Variants in CD86 observed in about 807,000 individuals in gnomAD.
CD86 encodes T-lymphocyte activation antigen CD86.
In CD86, 11 loss-of-function variants were observed where a neutral mutation model predicts 32.1. The ratio of observed to expected loss-of-function variants is 0.34; its 90% CI spans 0.22 to 0.57. The LOEUF (loss-of-function observed/expected upper bound fraction) is 0.57, where lower values mean the gene tolerates loss of function less well. Among genes scored for constraint, CD86 ranks in the 20% least tolerant of loss-of-function variants. The pLI, the probability that CD86 is intolerant of heterozygous loss-of-function variation, is 0.86. For synonymous variants in CD86, 137 were observed against 135.3 expected, an observed-to-expected ratio of 1.01 and a Z score of -0.09; for missense variants, 359 against 398.4, an observed-to-expected ratio of 0.90 and a Z score of 0.84.
At position 122,107,027 on chromosome 3, in the gene CD86, A is replaced by G. The variant is rs764220255; in HGVS notation, c.703+527A>G. The stretch of plus-strand genomic sequence containing the variant: ...AGAACCCTGTAATGTGCACACATGA[A>G]AAACTGGATTTTTAAAAGGTTGAAT... On this transcript the variant is annotated intron_variant, in intron 4 of 6. Transcript: ENST00000330540. 5.9e-5 allele frequency among the ~76,000 whole-genome samples: 9 copies of G among 152,190 alleles called. No homozygotes were observed. In the South Asian group the frequency reaches 8.3e-4, roughly 14 times the overall value.
At chr3:122,095,171 ATT>A (rs4048621) in intron 2 of CD86, among the ~76,000 whole-genome samples, 65,596 of 130,846 alleles carry the variant, frequency 0.5, 15,935 homozygotes, top group Admixed American at 0.63. Context: ...TCACTTTAAG[ATT>A]TTTTTTTTTT....
chr3:122,087,477 G>C (rs1224606391), intron 1 of CD86, among the ~76,000 whole-genome samples: 2 of 152,122 alleles, frequency 1.3e-5, no homozygotes, highest in Non-Finnish European at 2.9e-5. Flanking sequence ...GGAGAAACTG[G>C]CTTCCTAACC....
intron 2 of CD86, chr3:122,092,226 G>A (rs2072835901): frequency 6.6e-6 from 1 of 152,446 alleles, no homozygotes; most frequent in Non-Finnish European, 1.5e-5. Flanking sequence ...CTGATTTATA[G>A]TGGAGCCAAT....
At chr3:122,099,725 C>G (rs1040973308) in intron 2 of CD86, among the ~76,000 whole-genome samples, 1 of 152,150 alleles carries the variant, frequency 6.6e-6, no homozygotes, top group African/African-American at 2.4e-5. Context: ...CCATATGTGA[C>G]TACTTAAATT....
chr3:122,083,401 G>A (rs565979998), intron 1 of CD86, among the ~76,000 whole-genome samples: 15 of 151,938 alleles, frequency 9.9e-5, no homozygotes, highest in Non-Finnish European at 1.6e-4. Context: ...CTTCTCTCAC[G>A]TGCCCTCCTG....
chr3:122,077,745 T>C, intron 1 of CD86: 1 of 985,334 alleles, frequency 1.0e-6, no homozygotes, highest in Non-Finnish European at 1.2e-6. Context: ...AGGGTACGTT[T>C]GTAGTCATTC....
chr3:122,120,048 T>C lies in CD86; in HGVS notation c.*514T>C, dbSNP rs971954167. 1 of 153,690 alleles carries C rather than the reference T, an allele frequency of 6.5e-6. No individual in the cohort carries two copies. Among genetic ancestry groups the C allele is most frequent in the Non-Finnish European group, 1.4e-5 (1 of 69,252 alleles). 9.5% of individuals were successfully genotyped at this position (153,690 alleles called of 1,614,324 possible). ...TCTTGAAACATAGAGATCTATGTAC[T>C]GTAATAGTGTGATTACTATGCTCTA... is the stretch of plus-strand genomic sequence containing the variant. On this transcript the variant is annotated 3_prime_UTR_variant, in exon 7 of 7. Coordinates refer to ENST00000330540, the MANE Select transcript of CD86 (RefSeq NM_175862.5).
intron 1 of CD86, among the ~76,000 whole-genome samples, chr3:122,071,709 A>G (rs1217560290): frequency 6.6e-6 from 1 of 150,948 alleles, no homozygotes; most frequent in African/African-American, 2.4e-5. Flanking sequence ...TAGTTTTACC[A>G]TTTTGCATTC....
At chr3:122,072,127 C>T (rs2072497313) in intron 1 of CD86, among the ~76,000 whole-genome samples, 1 of 150,360 alleles carries the variant, frequency 6.7e-6, no homozygotes, top group South Asian at 2.1e-4. Context: ...TCCAGTCTAT[C>T]ATTGTTGGAC....
intron 1 of CD86, among the ~76,000 whole-genome samples, chr3:122,063,513 A>T (rs1423048373): frequency 6.6e-6 from 1 of 152,156 alleles, no homozygotes; most frequent in East Asian, 1.9e-4. Flanking sequence ...CTACATACAG[A>T]ATTGTAAAGA....
intron 1 of CD86, among the ~76,000 whole-genome samples, chr3:122,073,352 A>T (rs965975203): frequency 1.3e-5 from 2 of 151,740 alleles, no homozygotes; most frequent in Non-Finnish European, 2.9e-5. Flanking sequence ...TTTGCTCCTT[A>T]TTAAATTGGG....
At chr3:122,062,108 TA>T (rs2072347089) in intron 1 of CD86, among the ~76,000 whole-genome samples, 1 of 151,248 alleles carries the variant, frequency 6.6e-6, no homozygotes, top group South Asian at 2.1e-4. Flanking sequence ...AAACAAAAAC[TA>T]AAAATGTTCA....
chr3:122,105,534 A>G (rs1487938196), intron 3 of CD86, among the ~76,000 whole-genome samples: 1 of 152,214 alleles, frequency 6.6e-6, no homozygotes, highest in Non-Finnish European at 1.5e-5. Context: ...CTGAACAGCC[A>G]GAAAAGTGAG....
intron 4 of CD86, among the ~76,000 whole-genome samples, chr3:122,108,184 G>A (rs2073120428): frequency 6.6e-6 from 1 of 152,170 alleles, no homozygotes; most frequent in African/African-American, 2.4e-5. Flanking sequence ...CCCATCTTCA[G>A]AAATGTTTCA....
chr3:122,082,844 T>C (rs549784151), intron 1 of CD86, among the ~76,000 whole-genome samples: 1 of 152,380 alleles, frequency 6.6e-6, no homozygotes, highest in East Asian at 1.9e-4. Context: ...ATAAGTTTGA[T>C]TTCTGTTGCT....
chr3:122,071,510 A>G (rs1247766085), intron 1 of CD86, among the ~76,000 whole-genome samples: 1 of 152,196 alleles, frequency 6.6e-6, no homozygotes, highest in Non-Finnish European at 1.5e-5. Context: ...GATATACCAC[A>G]GCTTTACCAA....
chr3:122,083,979 T>C (rs2072675751), intron 1 of CD86, among the ~76,000 whole-genome samples: 1 of 152,190 alleles, frequency 6.6e-6, no homozygotes, highest in Non-Finnish European at 1.5e-5. Flanking sequence ...CTTGTAATTG[T>C]GGCTTGTATT....
intron 1 of CD86, among the ~76,000 whole-genome samples, chr3:122,078,492 T>A (rs1277899997): frequency 6.6e-6 from 1 of 152,168 alleles, no homozygotes; most frequent in Non-Finnish European, 1.5e-5. Context: ...TGCAATGGAC[T>A]TACTTGGCTT....
At chr3:122,059,488 A>T (rs1389177869) in intron 1 of CD86, among the ~76,000 whole-genome samples, 1 of 151,604 alleles carries the variant, frequency 6.6e-6, no homozygotes, top group Non-Finnish European at 1.5e-5. Flanking sequence ...GTGAGCTGAG[A>T]TAGCACCACG....
Sources: gnomAD v4.1 joint callset for allele counts (sites outside exome capture counted in the v4.1 genomes callset) on GRCh38, gnomAD v4.1.1 for gene constraint, MANE v1.5 for transcripts, NCBI Gene and HGNC (gene_info 2026-07-23, HGNC 2026-07-21) for gene names.